PHKB: variants seen among roughly 807,000 people sequenced by gnomAD.
PHKB encodes the protein phosphorylase b kinase regulatory subunit beta.
Under a neutral mutation model 152.1 loss-of-function variants are expected in PHKB, and 122 were observed. The observed-to-expected ratio is 0.80, with a 90% CI of 0.69 to 0.93. The LOEUF is 0.93. Among genes scored for constraint, PHKB ranks in the 40% least tolerant of loss-of-function variants. The pLI, the probability that PHKB is intolerant of heterozygous loss-of-function variation, is 0.00. For missense variants in PHKB, 1,304 were observed against 1,328.4 expected, an observed-to-expected ratio of 0.98 and a Z score of 0.29; for synonymous variants, 436 against 464.9, an observed-to-expected ratio of 0.94 and a Z score of 0.80.
intron 7 of PHKB, among the ~76,000 whole-genome samples, chr16:47,570,967 C>T (rs528131419): frequency 2.7e-3 from 402 of 149,962 alleles, no homozygotes; most frequent in Non-Finnish European, 3.7e-3. Flanking sequence ...CTTTTTTTTT[C>T]CCCCGTTAAG....
At chr16:47,544,879 G>T (rs1057006106) in intron 6 of PHKB, among the ~76,000 whole-genome samples, 3 of 152,034 alleles carry the variant, frequency 2.0e-5, no homozygotes, top group Admixed American at 6.6e-5. Flanking sequence ...ATCTTTGTTG[G>T]TTTAAAGTCT....
chr16:47,684,901 G>C (rs1342105093), intron 26 of PHKB, among the ~76,000 whole-genome samples: 1 of 152,158 alleles, frequency 6.6e-6, no homozygotes, highest in East Asian at 1.9e-4. Flanking sequence ...GTCAAACCTG[G>C]ATATATATGA....
At chr16:47,522,200 T>C (rs903167629) in intron 6 of PHKB, among the ~76,000 whole-genome samples, 1 of 152,196 alleles carries the variant, frequency 6.6e-6, no homozygotes, top group African/African-American at 2.4e-5. Context: ...GGTCTGGGAT[T>C]TTCTTTATGG....
At chr16:47,554,859 C>T (rs1197871587) in intron 7 of PHKB, among the ~76,000 whole-genome samples, 1 of 152,194 alleles carries the variant, frequency 6.6e-6, no homozygotes. Flanking sequence ...ACTATCTAAC[C>T]AGTCCCAGTG....
intron 4 of PHKB, 130 bp downstream of exon 4, chr16:47,503,220 A>G (rs758767380): frequency 1.2e-5 from 9 of 721,552 alleles, no homozygotes; most frequent in South Asian, 3.0e-5. Context: ...GGCGGCCTAG[A>G]TAGGTTAACA....
At chr16:47,527,267 T>C (rs938033322) in intron 6 of PHKB, among the ~76,000 whole-genome samples, 1 of 152,054 alleles carries the variant, frequency 6.6e-6, no homozygotes, top group Admixed American at 6.6e-5. Flanking sequence ...AGATTTTAAA[T>C]GTTAGGAAAA....
chr16:47,691,494 C>T (rs1015656703), intron 27 of PHKB, among the ~76,000 whole-genome samples: 2 of 152,110 alleles, frequency 1.3e-5, no homozygotes, highest in Non-Finnish European at 2.9e-5. Flanking sequence ...TGCTTGAGCC[C>T]AGGAGTTTGA....
At position 47,689,772 on chromosome 16, in the gene PHKB, GC is replaced by G. The variant is rs1287213998; in HGVS notation, c.2765+599del. 5.9e-5 allele frequency among the ~76,000 whole-genome samples: 9 copies of G among 152,312 alleles called. No homozygotes were observed. In the East Asian group the frequency reaches 1.7e-3, roughly 29 times the overall value. Reference sequence around the variant, plus strand: ...ATTTACCAAAGTGGTATAGTTATATGCCTAGAAAAATCTGCCTAGGCCTTTT... The same window carrying G: ...ATTTACCAAAGTGGTATAGTTATATGCTAGAAAAATCTGCCTAGGCCTTTT... On this transcript the variant is annotated intron_variant, in intron 27 of 30. Coordinates refer to ENST00000323584, the MANE Select transcript of PHKB (RefSeq NM_000293.3).
chr16:47,651,171 G>A (rs1342887378), intron 20 of PHKB, among the ~76,000 whole-genome samples: 1 of 152,164 alleles, frequency 6.6e-6, no homozygotes, highest in Non-Finnish European at 1.5e-5. Context: ...GTCCATAGTG[G>A]TGTAGTGACC....
intron 6 of PHKB, among the ~76,000 whole-genome samples, chr16:47,546,268 G>A (rs1262516986): frequency 1.3e-5 from 2 of 152,132 alleles, no homozygotes; most frequent in Non-Finnish European, 2.9e-5. Flanking sequence ...TACAGATGGG[G>A]TTTTGGTGTG....
chr16:47,625,630 C>G (rs1972696052), intron 14 of PHKB, among the ~76,000 whole-genome samples: 1 of 152,182 alleles, frequency 6.6e-6, no homozygotes, highest in Non-Finnish European at 1.5e-5. Context: ...ATGACACCCT[C>G]TAAGAGTTAC....
At chr16:47,481,549 A>G (rs1041754462) in intron 1 of PHKB, among the ~76,000 whole-genome samples, 1 of 152,370 alleles carries the variant, frequency 6.6e-6, no homozygotes, top group Middle Eastern at 3.4e-3. Context: ...TGGATTGATC[A>G]AGAGGATTCT....
chr16:47,502,000 T>C (rs1970332181), intron 3 of PHKB, among the ~76,000 whole-genome samples: 1 of 152,206 alleles, frequency 6.6e-6, no homozygotes, highest in Non-Finnish European at 1.5e-5. Context: ...GATGTGCTAA[T>C]GATGAATAAC....
intron 14 of PHKB, among the ~76,000 whole-genome samples, chr16:47,623,847 C>T (rs934887357): frequency 2.0e-5 from 3 of 152,260 alleles, no homozygotes; most frequent in Middle Eastern, 3.4e-3. Context: ...CGTGAGCCAC[C>T]TCGCCCAGCC....
chr16:47,698,409 T>C, intron 29 of PHKB, 39 bp from the exon 30 acceptor site: 2 of 1,496,794 alleles, frequency 1.3e-6, no homozygotes, highest in South Asian at 1.1e-5. Flanking sequence ...GTCACTATTA[T>C]GGTTCATATA....
chr16:47,591,411 A>T (rs910953143), intron 10 of PHKB, among the ~76,000 whole-genome samples: 3 of 152,122 alleles, frequency 2.0e-5, no homozygotes, highest in African/African-American at 7.2e-5. Flanking sequence ...TACATTACTG[A>T]GTCGGAGTGG....
intron 7 of PHKB, chr16:47,565,919 T>G: frequency 9.3e-7 from 1 of 1,070,084 alleles, no homozygotes; most frequent in Non-Finnish European, 1.4e-6. Flanking sequence ...GTTTGGGTCT[T>G]TGTGGGGGAC....
chr16:47,641,524 T>C (rs917649165), intron 15 of PHKB, 75 bp from the exon 16 acceptor site: 6 of 797,046 alleles, frequency 7.5e-6, no homozygotes, highest in African/African-American at 1.7e-5. Flanking sequence ...TTCCCTTTTA[T>C]CCTCCTCCTT....
intron 13 of PHKB, among the ~76,000 whole-genome samples, chr16:47,602,360 A>C (rs1972243597): frequency 6.6e-6 from 1 of 152,196 alleles, no homozygotes; most frequent in Non-Finnish European, 1.5e-5. Flanking sequence ...TTCCCAACTT[A>C]ATTTCTTGGG....
Sources: gnomAD v4.1 joint callset for allele counts (sites outside exome capture counted in the v4.1 genomes callset) on GRCh38, gnomAD v4.1.1 for gene constraint, MANE v1.5 for transcripts, NCBI Gene and HGNC (gene_info 2026-07-23, HGNC 2026-07-21) for gene names.